DNAH6: variants seen among roughly 807,000 people sequenced by gnomAD.
DNAH6 encodes the protein dynein axonemal heavy chain 6.
A neutral mutation model predicts 491.4 loss-of-function variants in DNAH6; 340 were observed. The observed-to-expected ratio is 0.69, with a 90% CI of 0.63 to 0.76. The LOEUF (loss-of-function observed/expected upper bound fraction) is 0.76, where lower values mean the gene tolerates loss of function less well. DNAH6 is among the 30% of genes least tolerant of loss of function. DNAH6 has a pLI of 0.00. For synonymous variants in DNAH6, 1,603 were observed against 1,686.1 expected (o/e 0.95, Z 1.21); for missense variants, 4,443 against 4,972.2 (o/e 0.89, Z 3.20).
the DNAH6 span, among the ~76,000 whole-genome samples, chr2:84,460,815 G>C: frequency 6.6e-6 from 1 of 152,194 alleles, no homozygotes; most frequent in African/African-American, 2.4e-5. Context: ...ATGTTTCAGT[G>C]CTGACTGAGT....
chr2:84,600,160 T>C (rs75099522), intron 18 of DNAH6, among the ~76,000 whole-genome samples: 4,708 of 152,290 alleles, frequency 0.031, 75 homozygotes, highest in Middle Eastern at 0.1. Flanking sequence ...TGTTGAACTC[T>C]CTAACTATAA....
rs1678581494 is a variant in DNAH6 at position 84,544,479 on chromosome 2, A to C, written c.909A>C (p.Lys303Asn). 2.0e-6 allele frequency: 3 copies of C among 1,492,930 alleles called. No homozygotes were observed. Among genetic ancestry groups the C allele is most frequent in the African/African-American group, 2.8e-5 (2 of 72,392 alleles). The allele number at this position is 1,492,930 out of a possible 1,614,324, so 92.5% of individuals were successfully genotyped here. ...CTGGATGTCAAAAATCTCTACAAAA[A>C]AATTTGTTCATTGTTAATCCTGTAT... ...KITGCQKSLQ[K>N]NLFIVNPHLR... The change falls in exon 5 of 77, where the codon AAA becomes AAC. Residue 303 changes from lysine (K) to asparagine (N), a missense_variant. Coordinates refer to ENST00000389394, the MANE Select transcript of DNAH6 (RefSeq NM_001370.2).
chr2:84,679,243 T>G (rs1693543302), intron 41 of DNAH6, among the ~76,000 whole-genome samples: 1 of 152,202 alleles, frequency 6.6e-6, no homozygotes. Flanking sequence ...TGTACTTTCT[T>G]TGATAGTCTG....
the DNAH6 span, among the ~76,000 whole-genome samples, chr2:84,504,145 A>G: frequency 1.3e-5 from 2 of 152,074 alleles, no homozygotes; most frequent in African/African-American, 2.4e-5. Context: ...CCTGTCTTCA[A>G]GCTCACTAAT....
At position 84,615,377 on chromosome 2, in the gene DNAH6, T is replaced by C. The variant is rs149096647; in HGVS notation, c.3476-1509T>C. ...TGCTTTATTTCCAGGTTCTCTATTC[T>C]GTTCCATTGGTCTATATGCCTATTT... is the stretch of plus-strand genomic sequence containing the variant. On this transcript the variant is annotated intron_variant, in intron 22 of 76. Coordinates refer to ENST00000389394, the MANE Select transcript of DNAH6 (RefSeq NM_001370.2). Among the ~76,000 whole-genome samples the C allele has an allele frequency of 4.2e-3, 647 of 152,314 alleles. 3 individuals carry two copies. Among genetic ancestry groups the C allele is most frequent in the African/African-American group, 0.015 (618 of 41,584 alleles).
intron 33 of DNAH6, among the ~76,000 whole-genome samples, chr2:84,648,686 G>A (rs550704033): frequency 5.8e-4 from 89 of 152,320 alleles, no homozygotes; most frequent in African/African-American, 2.1e-3. Context: ...ATGATCAAAC[G>A]TGAATAGATG....
intron 18 of DNAH6, among the ~76,000 whole-genome samples, chr2:84,600,361 C>G (rs1039619746): frequency 4.6e-5 from 7 of 152,038 alleles, no homozygotes; most frequent in Non-Finnish European, 8.8e-5. Context: ...ACTAATGTAC[C>G]AATGTCAATA....
chr2:84,776,677 C>T (rs559998116), intron 64 of DNAH6, among the ~76,000 whole-genome samples: 1 of 152,340 alleles, frequency 6.6e-6, no homozygotes, highest in African/African-American at 2.4e-5. Flanking sequence ...TTCTCCACCT[C>T]CTCTCCAGCA....
chr2:84,658,552 A>G, intron 36 of DNAH6, 78 bp downstream of exon 36: 3 of 1,005,548 alleles, frequency 3.0e-6, no homozygotes, highest in Non-Finnish European at 4.1e-6. Context: ...AAATGACTCC[A>G]TTCTAAAATA....
chr2:84,558,355 G>A (rs1347658208), intron 11 of DNAH6, among the ~76,000 whole-genome samples: 4 of 151,144 alleles, frequency 2.6e-5, no homozygotes, highest in African/African-American at 9.7e-5. Flanking sequence ...AACCCGGGAG[G>A]CAAACTTGCA....
rs11314817 is a variant in DNAH6 at position 84,733,798 on chromosome 2, CA to C, written c.10342+220del. ...CATGTTTACTTTATATATATGTATACACACACCATATATTTTATGTATATAT... is the reference window on the plus strand; with the variant it reads ...CATGTTTACTTTATATATATGTATACCACACCATATATTTTATGTATATAT... On this transcript the variant is annotated intron_variant, in intron 62 of 76. Coordinates refer to ENST00000389394, the MANE Select transcript of DNAH6 (RefSeq NM_001370.2). Among the ~76,000 whole-genome samples, 16,718 of 151,942 alleles carry C rather than the reference CA, an allele frequency of 0.11. 1,124 individuals carry two copies. The highest frequency in any genetic ancestry group is 0.19 in the African/African-American group (7,877 of 41,414).
chr2:84,669,414 C>A lies in DNAH6; in HGVS notation c.6210C>A (p.Val2070=), dbSNP rs753040318. The A allele has an allele frequency of 1.5e-4, 239 of 1,551,960 alleles. No individual in the cohort carries two copies. In the South Asian group the frequency reaches 2.7e-3, roughly 18 times the overall value. Residue 2070 remains valine, a synonymous_variant, in exon 38 of 77, where the codon GTC becomes GTA. Transcript: ENST00000389394. The part of the protein sequence containing the change: ...NRDVPFFEML[V]PTTDTVRYGY... ...ATGTTCCATTTTTTGAAATGCTTGT[C>A]CCCACAACTGACACAGTGCGCTATG...
At chr2:84,486,941 C>T in the DNAH6 span, among the ~76,000 whole-genome samples, 1 of 152,140 alleles carries the variant, frequency 6.6e-6, no homozygotes, top group African/African-American at 2.4e-5. Context: ...TGGACCAGTG[C>T]TCAGTGGCGG....
At chr2:84,703,623 T>G (rs1246320065) in intron 50 of DNAH6, 61 bp downstream of exon 50, 2 of 1,333,170 alleles carry the variant, frequency 1.5e-6, no homozygotes, top group Admixed American at 3.0e-5. Flanking sequence ...CACTTATATA[T>G]AATGAGACAC....
intron 61 of DNAH6, among the ~76,000 whole-genome samples, chr2:84,729,270 A>G (rs1573627155): frequency 6.6e-6 from 1 of 152,184 alleles, no homozygotes; most frequent in East Asian, 1.9e-4. Flanking sequence ...CTAGTCTATG[A>G]TAAGATAGTT....
At chr2:84,544,542 A>G in intron 5 of DNAH6, 42 bp downstream of exon 5, 5 of 1,143,686 alleles carry the variant, frequency 4.4e-6, no homozygotes, top group Middle Eastern at 2.9e-4. Context: ...TTACTTACAA[A>G]AAAAGAAAGT....
chr2:84,778,956 G>A (rs753028581), intron 64 of DNAH6, among the ~76,000 whole-genome samples: 1 of 152,230 alleles, frequency 6.6e-6, no homozygotes, highest in Admixed American at 6.5e-5. Flanking sequence ...GTGTGGTTTT[G>A]AGAGATCATG....
At chr2:84,679,162 T>TA (rs1192310600) in intron 41 of DNAH6, among the ~76,000 whole-genome samples, 1 of 152,248 alleles carries the variant, frequency 6.6e-6, no homozygotes, top group Non-Finnish European at 1.5e-5. Flanking sequence ...CCTATGAGTC[T>TA]AAATAGTACA....
At chr2:84,583,328 G>A (rs1330034834) in intron 14 of DNAH6, among the ~76,000 whole-genome samples, 2 of 152,106 alleles carry the variant, frequency 1.3e-5, no homozygotes, top group Non-Finnish European at 2.9e-5. Flanking sequence ...CAACCCCACA[G>A]CACATGTTTT....
Sources: gnomAD v4.1 joint callset for allele counts (sites outside exome capture counted in the v4.1 genomes callset) on GRCh38, gnomAD v4.1.1 for gene constraint, MANE v1.5 for transcripts, NCBI Gene and HGNC (gene_info 2026-07-23, HGNC 2026-07-21) for gene names.